PDE4D: variants seen among roughly 807,000 people sequenced by gnomAD.
The protein encoded by PDE4D is phosphodiesterase 4D, also known as 3',5'-cyclic-AMP phosphodiesterase 4D.
In PDE4D, 24 loss-of-function variants were observed where a neutral mutation model predicts 87.4. The ratio of observed to expected loss-of-function variants is 0.27; its 90% confidence interval spans 0.20 to 0.39. The LOEUF (loss-of-function observed/expected upper bound fraction) is 0.39. Ranked by LOEUF, PDE4D falls within the 10% of genes least tolerant of loss-of-function variation. The probability of loss-of-function intolerance (pLI) is 1.00; values close to 1 mark genes in which losing one functional copy is unlikely to be tolerated. For missense variants in PDE4D, 714 were observed against 1,041.0 expected (o/e 0.69, Z 4.32); for synonymous variants, 384 against 383.2 (o/e 1.00, Z -0.02).
At chr5:59,898,611 TGAA>T (rs1751917790), upstream of PDE4D, among the ~76,000 whole-genome samples, 1 of 152,100 alleles carries the variant, frequency 6.6e-6, no homozygotes, top group Non-Finnish European at 1.5e-5. Context: ...CTTGGGGAGA[TGAA>T]GGAGTAAAGG....
intron 1 of PDE4D, among the ~76,000 whole-genome samples, chr5:59,543,416 T>G (rs1316451477): frequency 6.6e-6 from 1 of 152,136 alleles, no homozygotes; most frequent in Non-Finnish European, 1.5e-5. Context: ...ATCAAGGTCA[T>G]GGTGGTTTCT....
intron 5 of PDE4D, among the ~76,000 whole-genome samples, chr5:59,162,615 A>G (rs1781273297): frequency 6.6e-6 from 1 of 151,724 alleles, no homozygotes; most frequent in African/African-American, 2.4e-5. Context: ...AAGGCAGGAG[A>G]ATCACTTGAG....
At chr5:59,822,876 A>G (rs1029299639) in intron 1 of PDE4D, among the ~76,000 whole-genome samples, 1 of 152,212 alleles carries the variant, frequency 6.6e-6, no homozygotes. Context: ...TGGTCCCCCA[A>G]AATGGCCGGT....
chr5:59,555,670 A>G (rs1290728149), intron 1 of PDE4D, among the ~76,000 whole-genome samples: 1 of 151,994 alleles, frequency 6.6e-6, no homozygotes, highest in Non-Finnish European at 1.5e-5. Context: ...AAGATTATTG[A>G]CCTTCTGTGA....
rs1297283558 is a variant in PDE4D, at chr5:60,415,566, G to A, written c.-90+72376C>T. 2.6e-5 allele frequency among the ~76,000 whole-genome samples: 4 copies of A among 152,328 alleles called. No individual in the cohort carries two copies. In the East Asian group the frequency reaches 7.7e-4, roughly 29 times the overall value. On this transcript the variant is annotated intron_variant, in intron 1 of 16. Coordinates refer to the PDE4D transcript ENST00000502484. ...GCACTGGGAGCGGCAGGCCGGCCCCGCCACCCCGGGCAGTGAGGGGCTTAG... is the reference window on the plus strand; with the variant it reads ...GCACTGGGAGCGGCAGGCCGGCCCCACCACCCCGGGCAGTGAGGGGCTTAG...
chr5:60,138,981 A>G (rs535735064), intron 2 of PDE4D, among the ~76,000 whole-genome samples: 1 of 152,144 alleles, frequency 6.6e-6, no homozygotes, highest in South Asian at 2.1e-4. Context: ...ATTATATTTT[A>G]ACTCAGTAAT....
At chr5:59,664,343 T>A (rs1745718987) in intron 1 of PDE4D, among the ~76,000 whole-genome samples, 1 of 152,228 alleles carries the variant, frequency 6.6e-6, no homozygotes, top group South Asian at 2.1e-4. Flanking sequence ...TTTACCAAGG[T>A]GCTATGTATG....
At chr5:60,076,164 ATTT>A (rs1007575531) in intron 2 of PDE4D, among the ~76,000 whole-genome samples, 7 of 129,720 alleles carry the variant, frequency 5.4e-5, no homozygotes, top group African/African-American at 1.9e-4. Context: ...TCTTTTTCGA[ATTT>A]TTTTTTTTTG....
At chr5:59,596,741 A>G (rs1054410877) in intron 1 of PDE4D, among the ~76,000 whole-genome samples, 2 of 152,142 alleles carry the variant, frequency 1.3e-5, no homozygotes, top group African/African-American at 4.8e-5. Context: ...GATGGGAATA[A>G]GCATGATAAC....
At chr5:60,094,355 GATGGC>G (rs1324439388) in intron 2 of PDE4D, among the ~76,000 whole-genome samples, 1 of 152,070 alleles carries the variant, frequency 6.6e-6, no homozygotes, top group Non-Finnish European at 1.5e-5. Flanking sequence ...CACACATTAA[GATGGC>G]ATGGTTTAAC....
intron 5 of PDE4D, among the ~76,000 whole-genome samples, chr5:59,145,035 A>AT (rs573006249): frequency 7.9e-5 from 12 of 151,782 alleles, no homozygotes; most frequent in African/African-American, 2.7e-4. Context: ...CAGAACATAG[A>AT]TTTTTTTTCT....
intron 1 of PDE4D, among the ~76,000 whole-genome samples, chr5:59,453,205 T>C (rs1799421818): frequency 6.6e-6 from 1 of 152,164 alleles, no homozygotes; most frequent in African/African-American, 2.4e-5. Flanking sequence ...GCAAACTCAA[T>C]TAATGGGTGT....
intron 1 of PDE4D, among the ~76,000 whole-genome samples, chr5:59,219,459 A>G (rs1233865028): frequency 6.6e-6 from 1 of 152,260 alleles, no homozygotes; most frequent in South Asian, 2.1e-4. Flanking sequence ...AGAAAAAGTA[A>G]TATTACCGAG....
At chr5:58,998,347 G>T (rs766995740) in intron 6 of PDE4D, among the ~76,000 whole-genome samples, 1 of 152,110 alleles carries the variant, frequency 6.6e-6, no homozygotes, top group Non-Finnish European at 1.5e-5. Flanking sequence ...AATAACATCA[G>T]TTGTGAGCTG....
intron 2 of PDE4D, among the ~76,000 whole-genome samples, chr5:60,052,605 C>T (rs186984915): frequency 7.9e-5 from 12 of 152,184 alleles, no homozygotes; most frequent in East Asian, 3.9e-4. Context: ...AAAAGCTGGA[C>T]GCATTCTCTT....
rs10693866 is a variant in PDE4D at position 59,215,552 on chromosome 5, CGTGTGTGTGTGTGTGTGT to C, written c.647+207_647+224del. 3 of 363,214 alleles carry C rather than the reference CGTGTGTGTGTGTGTGTGT, an allele frequency of 8.3e-6. No homozygotes were observed. The East Asian group carries it at 1.6e-4, about 20-fold the overall frequency. The allele number at this position is 363,214 out of a possible 1,614,324, so 22.5% of individuals were successfully genotyped here. A position where few individuals can be genotyped will look rare whatever the true frequency, so the allele number is the denominator to read the frequency against. ...TATTTTCTGGGAAAATAAATACATG[CGTGTGTGTGTGTGTGTGT>C]GTGTGTGTGTGTGTGTGTTAATCAA... On this transcript the variant is annotated intron_variant, in intron 2 of 14. Transcript: ENST00000340635.
At chr5:60,097,534 A>G (rs1442709080) in intron 2 of PDE4D, among the ~76,000 whole-genome samples, 1 of 152,056 alleles carries the variant, frequency 6.6e-6, no homozygotes, top group Admixed American at 6.6e-5. Flanking sequence ...ACTTGGGTCA[A>G]TTCAGCCTTG....
intron 6 of PDE4D, among the ~76,000 whole-genome samples, chr5:59,013,946 C>T (rs531231504): frequency 6.6e-6 from 1 of 152,278 alleles, no homozygotes; most frequent in East Asian, 1.9e-4. Context: ...AGCTTGTCCA[C>T]CCTAATCAAG....
At chr5:59,503,261 G>A (rs1808651615) in intron 1 of PDE4D, among the ~76,000 whole-genome samples, 1 of 152,208 alleles carries the variant, frequency 6.6e-6, no homozygotes, top group Admixed American at 6.5e-5. Context: ...AGAAATATAG[G>A]GGAAACTGTA....
Sources: gnomAD v4.1 joint callset for allele counts (sites outside exome capture counted in the v4.1 genomes callset) on GRCh38, gnomAD v4.1.1 for gene constraint, MANE v1.5 for transcripts, NCBI Gene and HGNC (gene_info 2026-07-23, HGNC 2026-07-21) for gene names.